Variants in SCARB2 observed in about 807,000 individuals in gnomAD.
SCARB2 encodes scavenger receptor class B member 2.
SCARB2 carries 29 observed loss-of-function variants against 58.6 expected under a neutral mutation model. That is an observed-to-expected ratio of 0.49 (90% CI 0.37 to 0.67). The LOEUF is 0.67. Among genes scored for constraint, SCARB2 ranks in the 30% least tolerant of loss-of-function variants. The pLI, the probability that SCARB2 is intolerant of heterozygous loss-of-function variation, is 0.00. For synonymous variants in SCARB2, 195 were observed against 210.1 expected (o/e 0.93, Z 0.62); for missense variants, 488 against 578.5 (o/e 0.84, Z 1.60).
At chr4:76,183,470 A>G (rs893727624) in intron 2 of SCARB2, among the ~76,000 whole-genome samples, 1 of 152,150 alleles carries the variant, frequency 6.6e-6, no homozygotes, top group Non-Finnish European at 1.5e-5. Flanking sequence ...AAACACTTAC[A>G]TTTTATTATA....
At chr4:76,214,675 A>G (rs1733165950), upstream of SCARB2, among the ~76,000 whole-genome samples, 1 of 152,220 alleles carries the variant, frequency 6.6e-6, no homozygotes, top group Non-Finnish European at 1.5e-5. Flanking sequence ...CAAGACCTGC[A>G]CACAGCCAGG....
At chr4:76,176,339 C>G in intron 5 of SCARB2, 98 bp downstream of exon 5, 1 of 797,594 alleles carries the variant, frequency 1.3e-6, no homozygotes, top group Admixed American at 2.4e-5. Context: ...ATTTTTCATC[C>G]AAAAAAGGCT....
At chr4:76,177,135 A>G (rs1732266240) in intron 4 of SCARB2, 1 of 152,140 alleles carries the variant, frequency 6.6e-6, no homozygotes, top group African/African-American at 2.4e-5. Context: ...GCTAAATACT[A>G]TATTAACCAT....
In SCARB2 at chr4:76,176,562, CTG is replaced by C. The variant is rs1560708904; in HGVS notation, c.613-36_613-35del. The C allele has an allele frequency of 2.8e-6, 4 of 1,441,662 alleles. No individual in the cohort carries two copies. The African/African-American group carries it at 5.6e-5, about 20-fold the overall frequency. 89.3% of individuals were successfully genotyped at this position (1,441,662 alleles called of 1,614,324 possible). On this transcript the variant is annotated intron_variant, in intron 4 of 11. Transcript: ENST00000264896. ...ATGTGAATATGATCATTTAAAGTAACTGTGATAATTTTATGACAACTTGGCTA... is the reference window on the plus strand; with the variant it reads ...ATGTGAATATGATCATTTAAAGTAACTGATAATTTTATGACAACTTGGCTA...
chr4:76,182,233 G>T (rs1732400759), intron 2 of SCARB2, among the ~76,000 whole-genome samples: 1 of 152,008 alleles, frequency 6.6e-6, no homozygotes, highest in Admixed American at 6.6e-5. Flanking sequence ...ACCAGCTAGG[G>T]TTATTATGTC....
intron 2 of SCARB2, among the ~76,000 whole-genome samples, chr4:76,184,197 C>T (rs554926291): frequency 4.6e-5 from 7 of 152,290 alleles, no homozygotes; most frequent in Admixed American, 3.9e-4. Context: ...AGAGTGAGAA[C>T]TTGATCCCAA....
At chr4:76,190,994 T>C (rs939351948) in intron 2 of SCARB2, among the ~76,000 whole-genome samples, 9 of 152,252 alleles carry the variant, frequency 5.9e-5, no homozygotes, top group Non-Finnish European at 1.3e-4. Context: ...TTAATAATTC[T>C]AAATATTGCT....
upstream of SCARB2, among the ~76,000 whole-genome samples, chr4:76,216,088 C>A (rs113564938): frequency 6.6e-6 from 1 of 152,136 alleles, no homozygotes; most frequent in Non-Finnish European, 1.5e-5. Flanking sequence ...CTGTCCCCAG[C>A]CTGATGGGTG....
chr4:76,211,821 T>C (rs996620631), intron 1 of SCARB2, among the ~76,000 whole-genome samples: 1 of 152,208 alleles, frequency 6.6e-6, no homozygotes, highest in African/African-American at 2.4e-5. Context: ...TTTAGTTTCA[T>C]ACAATACACC....
rs777478545 is a variant in SCARB2 at position 76,174,272 on chromosome 4, C to T, written c.866G>A (p.Gly289Glu). 3.7e-6 allele frequency: 6 copies of T among 1,614,028 alleles called. No homozygotes were observed. The Admixed American group carries it at 1.0e-4, about 27-fold the overall frequency. Residue 289 changes from glycine to glutamate, a missense_variant, in exon 7 of 12, where the codon GGA (glycine) becomes GAA (glutamate). Coordinates refer to ENST00000264896, the MANE Select transcript of SCARB2 (RefSeq NM_005506.4). ...AACTTTATACCGAAAGGCAGGCAGT[C>T]CCTGTACACTCTCATAGTCACTGAA... The part of the protein sequence containing the change: ...ITFSDYESVQ[G>E]LPAFRYKVPA...
Position 76,181,003 on chromosome 4 carries a change from AC to A in SCARB2, c.373del (p.Val125LeufsTer8). The A allele has an allele frequency of 6.2e-7, 1 of 1,613,756 alleles. No homozygotes were observed. The highest frequency in any genetic ancestry group is 8.5e-7 in the Non-Finnish European group (1 of 1,179,848). ...KAYVFERDQS[V>X]GDPKIDLIRT... ...AATTAAGTCAATTTTAGGGTCTCCA[AC>A]AGATTGGTCTCGTTCAAAAACATAG... On this transcript the variant is annotated frameshift_variant, in exon 3 of 12. Coordinates refer to ENST00000264896, the MANE Select transcript of SCARB2 (RefSeq NM_005506.4). LOFTEE classifies it high-confidence loss of function.
intron 4 of SCARB2, 126 bp downstream of exon 4, chr4:76,179,391 C>T: frequency 1.4e-6 from 1 of 738,976 alleles, no homozygotes; most frequent in Non-Finnish European, 2.3e-6. Flanking sequence ...CTCCATTTTT[C>T]ACACACTCTA....
intron 2 of SCARB2, among the ~76,000 whole-genome samples, chr4:76,187,087 A>G (rs970509135): frequency 2.6e-5 from 4 of 152,230 alleles, no homozygotes; most frequent in Admixed American, 6.5e-5. Flanking sequence ...AGTATAAACA[A>G]AATTCCTGCC....
At position 76,163,313 on chromosome 4, in the gene SCARB2, T is replaced by C; in HGVS notation, c.1310A>G (p.Asn437Ser). The C allele has an allele frequency of 6.2e-7, 1 of 1,614,190 alleles. No homozygotes were observed. Among genetic ancestry groups the C allele is most frequent in the Non-Finnish European group, 8.5e-7 (1 of 1,180,030 alleles). The stretch of plus-strand genomic sequence containing the variant: ...CAGCGCCATGATGATGTAGGGTATG[T>C]TGGTGATGATCAAAGTAGTGTTAAT... ...SMINTTLIIT[N>S]IPYIIMALGV... is the part of the protein sequence containing the mutation. Residue 437 changes from asparagine (N) to serine (S), a missense_variant, in exon 11 of 12, where the codon AAC (asparagine) becomes AGC (serine). Physicochemically the swap from Asn to Ser is conservative, Grantham distance 46. Transcript: ENST00000264896.
chr4:76,162,422 A>C (rs980753696), intron 11 of SCARB2: 1 of 152,624 alleles, frequency 6.6e-6, no homozygotes, highest in African/African-American at 2.4e-5. Context: ...GTTGTAAAAA[A>C]AAGGAAGCTG....
chr4:76,170,613 G>A (rs368619540), intron 7 of SCARB2, among the ~76,000 whole-genome samples: 91 of 152,214 alleles, frequency 6.0e-4, no homozygotes, highest in African/African-American at 2.1e-3. Flanking sequence ...CGCCTCCCAG[G>A]TTCAAGCAAT....
chr4:76,179,966 C>CA, intron 3 of SCARB2: 1 of 510,410 alleles, frequency 2.0e-6, no homozygotes, highest in African/African-American at 1.9e-5. Flanking sequence ...CCAGACACCA[C>CA]AAAAGGGGAA....
At chr4:76,180,032 T>A (rs924375029) in intron 3 of SCARB2, 1 of 383,696 alleles carries the variant, frequency 2.6e-6, no homozygotes, top group African/African-American at 2.1e-5. Flanking sequence ...ACCTTCCGCC[T>A]AAGCAGGGCC....
intron 1 of SCARB2, among the ~76,000 whole-genome samples, chr4:76,208,091 T>TAG (rs1732964534): frequency 6.6e-6 from 1 of 152,206 alleles, no homozygotes; most frequent in African/African-American, 2.4e-5. Context: ...GATAAGCACT[T>TAG]TAACCTGAGT....
Sources: allele counts gnomAD v4.1 joint callset (sites outside exome capture counted in the v4.1 genomes callset), GRCh38; gene constraint gnomAD v4.1.1; transcripts MANE v1.5; gene names NCBI Gene and HGNC (gene_info 2026-07-23, HGNC 2026-07-21).